Variants in THSD4 observed in about 807,000 individuals in gnomAD.
The protein encoded by THSD4 is thrombospondin type 1 domain containing 4.
THSD4 carries 69 observed loss-of-function variants against 119.0 expected under a neutral mutation model. That is an observed-to-expected ratio of 0.58 (90% CI 0.48 to 0.71). The LOEUF (loss-of-function observed/expected upper bound fraction) is 0.71, where lower values mean the gene tolerates loss of function less well. Ranked by LOEUF, THSD4 falls within the 30% of genes least tolerant of loss-of-function variation. The probability of loss-of-function intolerance (pLI) is 0.00; values close to 1 mark genes in which losing one functional copy is unlikely to be tolerated. For missense variants in THSD4, 1,393 were observed against 1,391.1 expected (o/e 1.00, Z -0.02); for synonymous variants, 524 against 540.4 (o/e 0.97, Z 0.42).
At chr15:71,754,243 T>C (rs1033963087) in intron 14 of THSD4, among the ~76,000 whole-genome samples, 6 of 151,938 alleles carry the variant, frequency 3.9e-5, no homozygotes, top group Admixed American at 2.6e-4. Flanking sequence ...GTGCACACCA[T>C]CATGCCCAGT....
chr15:71,410,578 G>A (rs182309136), intron 6 of THSD4, among the ~76,000 whole-genome samples: 7 of 152,282 alleles, frequency 4.6e-5, no homozygotes, highest in South Asian at 2.1e-4. Flanking sequence ...GCGAGGTTCC[G>A]CTCTTGAAAG....
intron 6 of THSD4, among the ~76,000 whole-genome samples, chr15:71,397,514 A>G (rs2046469240): frequency 6.6e-6 from 1 of 152,200 alleles, no homozygotes; most frequent in Admixed American, 6.5e-5. Context: ...TTATTTCTAG[A>G]TCCTTGCACA....
At chr15:71,547,151 G>GC in intron 7 of THSD4, 3 of 1,244,364 alleles carry the variant, frequency 2.4e-6, no homozygotes, top group Middle Eastern at 3.0e-4. Context: ...GTTAAAGGCA[G>GC]CCCCCCAGCT....
intron 7 of THSD4, among the ~76,000 whole-genome samples, chr15:71,570,613 A>G (rs2049332018): frequency 6.6e-6 from 1 of 151,934 alleles, no homozygotes; most frequent in Non-Finnish European, 1.5e-5. Context: ...TCACCATCAG[A>G]TACACATTTT....
Position 71,531,548 on chromosome 15 carries a change from G to GGTTT in THSD4, c.1152+119727_1152+119730dup, listed in dbSNP as rs377628740. Among the ~76,000 whole-genome samples the GGTTT allele has an allele frequency of 5.1e-3, 783 of 152,308 alleles. 6 individuals carry two copies. Among genetic ancestry groups the GGTTT allele is most frequent in the African/African-American group, 0.018 (750 of 41,560 alleles). ...CTCGGCTGTGGAGACAGACGCCCTGGGTTTGAATCCCTGCTTTGCTGCAGA... is the reference window on the plus strand; with the variant it reads ...CTCGGCTGTGGAGACAGACGCCCTGGGTTTGTTTGAATCCCTGCTTTGCTGCAGA... On this transcript the variant is annotated intron_variant, in intron 7 of 17. Transcript: ENST00000261862.
intron 6 of THSD4, among the ~76,000 whole-genome samples, chr15:71,404,838 C>G (rs2046582748): frequency 6.6e-6 from 1 of 151,788 alleles, no homozygotes; most frequent in Admixed American, 6.6e-5. Context: ...TTTCTGTTGT[C>G]TTCTCTTTCT....
rs1470520540 is a variant in THSD4, at chr15:71,718,138, G to A, written c.1358-10411G>A. 9.0e-5 allele frequency among the ~76,000 whole-genome samples: 11 copies of A among 121,610 alleles called. No homozygotes were observed. In the South Asian group the frequency reaches 1.3e-3, roughly 14 times the overall value. 79.8% of individuals were successfully genotyped at this position (121,610 alleles called of 152,430 possible). A position where few individuals can be genotyped will look rare whatever the true frequency, so the allele number is the denominator to read the frequency against. On this transcript the variant is annotated intron_variant, in intron 8 of 17. Coordinates refer to ENST00000261862, the MANE Select transcript of THSD4 (RefSeq NM_024817.3). The stretch of plus-strand genomic sequence containing the variant: ...CATGCCAGCCTGGGCAACAGAGCGA[G>A]ACCCTGTCTCAAAAAAAAAAAAAAA...
At chr15:71,701,518 G>A (rs796510704) in intron 8 of THSD4, among the ~76,000 whole-genome samples, 5 of 152,158 alleles carry the variant, frequency 3.3e-5, no homozygotes, top group African/African-American at 1.2e-4. Flanking sequence ...TTTATAAGCT[G>A]AAAAAATTAA....
At chr15:71,339,240 A>AT (rs1424447197) in intron 6 of THSD4, among the ~76,000 whole-genome samples, 1 of 151,734 alleles carries the variant, frequency 6.6e-6, no homozygotes, top group African/African-American at 2.4e-5. Context: ...AGTTTTTTGT[A>AT]TTTTTTGTCT....
chr15:71,407,348 G>A (rs1408517498), intron 6 of THSD4, among the ~76,000 whole-genome samples: 1 of 152,154 alleles, frequency 6.6e-6, no homozygotes, highest in East Asian at 1.9e-4. Flanking sequence ...TCTTGGGTCG[G>A]CTAAGTCATT....
chr15:71,258,045 G>A (rs2044340857), intron 6 of THSD4, among the ~76,000 whole-genome samples: 1 of 152,082 alleles, frequency 6.6e-6, no homozygotes, highest in Admixed American at 6.5e-5. Context: ...ATTTAAGGTG[G>A]TATCCTGATT....
chr15:71,491,209 T>G (rs2047913753), intron 7 of THSD4, among the ~76,000 whole-genome samples: 1 of 152,202 alleles, frequency 6.6e-6, no homozygotes, highest in Admixed American at 6.5e-5. Flanking sequence ...CAACACTGGG[T>G]ATGATCATAT....
Position 71,309,947 on chromosome 15 carries a change from A to G in THSD4, c.1015+53232A>G, listed in dbSNP as rs79871548. Among the ~76,000 whole-genome samples, 783 of 152,312 alleles carry G rather than the reference A, an allele frequency of 5.1e-3. 12 individuals are homozygous for G. Among genetic ancestry groups the G allele is most frequent in the African/African-American group, 0.017 (721 of 41,574 alleles). ...CTACCTCATGTACTCGCAGATGGAC[A>G]CCCAGCATTGATGGCTCTCCACCTG... On this transcript the variant is annotated intron_variant, in intron 6 of 17. Coordinates refer to ENST00000261862, the MANE Select transcript of THSD4 (RefSeq NM_024817.3).
chr15:71,276,979 T>C (rs1424316036), intron 6 of THSD4, among the ~76,000 whole-genome samples: 1 of 152,180 alleles, frequency 6.6e-6, no homozygotes, highest in African/African-American at 2.4e-5. Flanking sequence ...GAATCAAGGA[T>C]AGTTTTAAAA....
chr15:71,321,870 A>G (rs771296928), intron 6 of THSD4, among the ~76,000 whole-genome samples: 1 of 152,150 alleles, frequency 6.6e-6, no homozygotes, highest in Non-Finnish European at 1.5e-5. Context: ...TATTATAGTC[A>G]ATTCAATATG....
At chr15:71,386,581 A>C (rs899262524) in intron 6 of THSD4, among the ~76,000 whole-genome samples, 5 of 152,184 alleles carry the variant, frequency 3.3e-5, no homozygotes, top group African/African-American at 9.6e-5. Flanking sequence ...TTTATAGAAA[A>C]ATAAAGCTAA....
chr15:71,170,097 C>A (rs2043342172), intron 3 of THSD4, among the ~76,000 whole-genome samples: 1 of 152,024 alleles, frequency 6.6e-6, no homozygotes, highest in African/African-American at 2.4e-5. Flanking sequence ...TCTCTTGAAC[C>A]CAGGAGGCGG....
intron 14 of THSD4, among the ~76,000 whole-genome samples, chr15:71,756,427 G>A (rs1364979420): frequency 6.6e-6 from 1 of 152,152 alleles, no homozygotes; most frequent in Non-Finnish European, 1.5e-5. Flanking sequence ...CGGTGGTGAA[G>A]GTGTACATGC....
At chr15:71,391,082 G>C (rs1342107162) in intron 6 of THSD4, among the ~76,000 whole-genome samples, 2 of 149,470 alleles carry the variant, frequency 1.3e-5, no homozygotes, top group Non-Finnish European at 3.0e-5. Context: ...AGGCTGGAGT[G>C]CAGTGGCACA....
Sources: allele counts gnomAD v4.1 joint callset (sites outside exome capture counted in the v4.1 genomes callset), GRCh38; gene constraint gnomAD v4.1.1; transcripts MANE v1.5; gene names NCBI Gene and HGNC (gene_info 2026-07-23, HGNC 2026-07-21).